ERMP1: variants seen among roughly 807,000 people sequenced by gnomAD.
ERMP1 encodes endoplasmic reticulum metallopeptidase 1.
ERMP1 carries 86 observed loss-of-function variants against 92.0 expected under a neutral mutation model. The ratio of observed to expected loss-of-function variants is 0.93; its 90% CI spans 0.79 to 1.12. The LOEUF is 1.12. ERMP1 is among the 50% of genes most tolerant of loss of function. The probability of loss-of-function intolerance (pLI) is 0.00; values close to 1 mark genes in which losing one functional copy is unlikely to be tolerated. For synonymous variants in ERMP1, 530 were observed against 412.8 expected (o/e 1.28, Z -3.44); for missense variants, 1,342 against 1,116.3 (o/e 1.20, Z -2.88).
At chr9:5,805,552 GAAA>G in intron 9 of ERMP1, 56 bp downstream of exon 9, 1 of 1,423,492 alleles carries the variant, frequency 7.0e-7, no homozygotes, top group Non-Finnish European at 9.3e-7. Context: ...AAGAGTCCCT[GAAA>G]GCCTTAAGTA....
rs757152177 is a variant in ERMP1 at position 5,797,831 on chromosome 9, G to C, written c.2372C>G (p.Thr791Ser). 6.2e-7 allele frequency: 1 copy of C among 1,600,206 alleles called. No homozygotes were observed. Among genetic ancestry groups the C allele is most frequent in the Admixed American group, 1.8e-5 (1 of 57,126 alleles). ...ATATGACTTACCTGTTGCTTCAAAA[G>C]TCAATTTTATAGAATCCCAAGGTGT... ...EQTPWDSIKL[T>S]FEATGPSHMS... The change falls in exon 13 of 15, where the codon ACT (threonine) becomes AGT (serine). Residue 791 changes from threonine to serine, a missense_variant. Coordinates refer to ENST00000339450, the MANE Select transcript of ERMP1 (RefSeq NM_024896.3).
chr9:5,811,447 G>T (rs1829091613), intron 6 of ERMP1, 124 bp from the exon 7 acceptor site: 1 of 694,378 alleles, frequency 1.4e-6, no homozygotes, highest in Non-Finnish European at 2.3e-6. Context: ...TTTGAATGAA[G>T]AAATGGTTAG....
rs1477166550 is a variant in ERMP1, at chr9:5,801,229, A to G, written c.2014T>C (p.Phe672Leu). The change falls in exon 11 of 15, where the codon TTT becomes CTT. Residue 672 changes from phenylalanine (F) to leucine (L), a missense_variant. Physicochemically the swap from Phe to Leu is conservative, Grantham distance 22. Transcript: ENST00000339450. ...TTAGCAGGATTGGAGCTATATGGAA[A>G]AAATGTTCCACTGCAAACAAGGAGG... ...TFLLVCSGTF[F>L]PYSSNPANPK... 4 of 1,613,862 alleles carry G rather than the reference A, an allele frequency of 2.5e-6. No homozygotes were observed. The highest frequency in any genetic ancestry group is 3.4e-6 in the Non-Finnish European group (4 of 1,179,940).
At chr9:5,787,640 C>CA (rs1828000408) in intron 13 of ERMP1, 47 bp from the exon 14 acceptor site, 2 of 1,561,040 alleles carry the variant, frequency 1.3e-6, no homozygotes, top group South Asian at 2.4e-5. Flanking sequence ...TTAAAAGGAT[C>CA]AAAAAAATAA....
intron 6 of ERMP1, among the ~76,000 whole-genome samples, chr9:5,840,830 C>A (rs1267804895): frequency 1.3e-5 from 2 of 152,200 alleles, no homozygotes; most frequent in African/African-American, 4.8e-5. Context: ...GCATTAAAAC[C>A]TTCATTTGCA....
chr9:5,850,305 T>C (rs1283306979), intron 6 of ERMP1, among the ~76,000 whole-genome samples: 1 of 143,832 alleles, frequency 7.0e-6, no homozygotes, highest in Admixed American at 7.4e-5. Flanking sequence ...CTTTGGAGGC[T>C]GAGGCAGGAG....
At position 5,784,944 on chromosome 9, in the gene ERMP1, T is replaced by C. The variant is rs559828835; in HGVS notation, c.*2200A>G. On this transcript the variant is annotated 3_prime_UTR_variant, in exon 15 of 15. Coordinates refer to ENST00000339450, the MANE Select transcript of ERMP1 (RefSeq NM_024896.3). ...TTGAAAAGACCCTTTTAGAAATTAT[T>C]TAAATGATCACTCTTTAAAAATTTT... 1 of 152,332 alleles carries C rather than the reference T, an allele frequency of 6.6e-6. No homozygotes were observed. The highest frequency in any genetic ancestry group is 1.5e-5 in the Non-Finnish European group (1 of 68,026). 9.4% of individuals were successfully genotyped at this position (152,332 alleles called of 1,614,324 possible).
rs1828556006 is a variant in ERMP1 at position 5,798,896 on chromosome 9, G to A, written c.2180C>T (p.Pro727Leu). 1 of 1,612,850 alleles carries A rather than the reference G, an allele frequency of 6.2e-7. No homozygotes were observed. Among genetic ancestry groups the A allele is most frequent in the South Asian group, 1.1e-5 (1 of 91,050 alleles). Residue 727 changes from proline (P) to leucine (L), a missense_variant, in exon 12 of 15, where the codon CCT (proline) becomes CTT (leucine). By Grantham distance (98) the Pro-to-Leu change is moderately conservative. Transcript: ENST00000339450. The part of the protein sequence containing the change: ...TGISHITPHI[P>L]EINDSIRAHC... ...AGCTCGGATACTATCATTGATCTCA[G>A]GAATGTGAGGGGTTATGTGAGAAAT...
intron 5 of ERMP1, among the ~76,000 whole-genome samples, chr9:5,860,127 T>C (rs1386766822): frequency 1.9e-4 from 19 of 99,868 alleles, no homozygotes; most frequent in Non-Finnish European, 3.3e-4. Flanking sequence ...TGAGACCTTG[T>C]CTCTACCAAA....
At chr9:5,845,547 AGATT>A (rs1830224889) in intron 6 of ERMP1, among the ~76,000 whole-genome samples, 1 of 152,162 alleles carries the variant, frequency 6.6e-6, no homozygotes, top group South Asian at 2.1e-4. Flanking sequence ...ATCGATCGAT[AGATT>A]ATCTGGAGTT....
chr9:5,829,208 G>C (rs1382855267), intron 2 of ERMP1, among the ~76,000 whole-genome samples: 1 of 147,292 alleles, frequency 6.8e-6, no homozygotes, highest in Non-Finnish European at 1.5e-5. Flanking sequence ...AGTGAGACTT[G>C]GCCCCCCAGC....
Position 5,830,806 on chromosome 9 carries a change from CACA to C in ERMP1, c.558_560del (p.Val188del). Reference sequence around the variant, plus strand: ...CTCCATCTCTGGGTTCCAGCTTTACCACAACATTGGTGATGTTGTCATAATAGC... The same window carrying C: ...CTCCATCTCTGGGTTCCAGCTTTACCACATTGGTGATGTTGTCATAATAGC... On this transcript the variant is annotated inframe_deletion, in exon 2 of 15. Coordinates refer to ENST00000339450, the MANE Select transcript of ERMP1 (RefSeq NM_024896.3). 6.2e-7 allele frequency: 1 copy of C among 1,614,012 alleles called. No homozygotes were observed. The highest frequency in any genetic ancestry group is 8.5e-7 in the Non-Finnish European group (1 of 1,179,904).
At chr9:5,810,592 ATGT>A (rs1472540001) in intron 7 of ERMP1, among the ~76,000 whole-genome samples, 2 of 152,240 alleles carry the variant, frequency 1.3e-5, no homozygotes, top group Non-Finnish European at 1.5e-5. Context: ...TCCATATAAA[ATGT>A]TGTTAAAATA....
intron 1 of ERMP1, among the ~76,000 whole-genome samples, chr9:5,831,694 T>C (rs1249733597): frequency 2.0e-5 from 3 of 152,182 alleles, no homozygotes; most frequent in Non-Finnish European, 4.4e-5. Context: ...TCTGGGTTAA[T>C]GACTTTAAGT....
intron 11 of ERMP1, among the ~76,000 whole-genome samples, chr9:5,800,030 T>C (rs1205866898): frequency 6.6e-6 from 1 of 152,236 alleles, no homozygotes; most frequent in African/African-American, 2.4e-5. Flanking sequence ...TTTAAGTCCT[T>C]GAATAATTAT....
intron 5 of ERMP1, among the ~76,000 whole-genome samples, chr9:5,860,946 T>C (rs756894829): frequency 1.1e-4 from 16 of 152,156 alleles, no homozygotes. Flanking sequence ...TGTCATGTGA[T>C]AATGTAGCAA....
In ERMP1 at chr9:5,811,276, G is replaced by T; in HGVS notation, c.1162C>A (p.Leu388Met). Reference protein sequence around the residue: ...VLKHLATSDMLAAASKYRHGN... With the variant: ...VLKHLATSDMMAAASKYRHGN... ...TGTCGATACTTAGAAGCAGCAGCCA[G>T]CATATCAGATGTAGCTAGATGCTTA... The change falls in exon 7 of 15, where the codon CTG becomes ATG. Residue 388 changes from leucine to methionine, a missense_variant. Physicochemically the swap from Leu to Met is conservative, Grantham distance 15. Transcript: ENST00000339450. The T allele has an allele frequency of 6.2e-7, 1 of 1,613,612 alleles. No homozygotes were observed. Among genetic ancestry groups the T allele is most frequent in the Non-Finnish European group, 8.5e-7 (1 of 1,179,906 alleles).
chr9:5,854,319 C>T (rs1312665104), intron 6 of ERMP1, among the ~76,000 whole-genome samples: 1 of 152,140 alleles, frequency 6.6e-6, no homozygotes, highest in Non-Finnish European at 1.5e-5. Flanking sequence ...GCTTTCTCAT[C>T]ATCATAACAC....
chr9:5,855,564 TTTC>T (rs1830363625), intron 6 of ERMP1, among the ~76,000 whole-genome samples: 1 of 152,240 alleles, frequency 6.6e-6, no homozygotes, highest in Non-Finnish European at 1.5e-5. Context: ...CCTGAGTTGC[TTTC>T]TTGTGGAGGT....
Sources: allele counts gnomAD v4.1 joint callset (sites outside exome capture counted in the v4.1 genomes callset), GRCh38; gene constraint gnomAD v4.1.1; transcripts MANE v1.5; gene names NCBI Gene and HGNC (gene_info 2026-07-23, HGNC 2026-07-21).